ARHGAP39: variants seen among roughly 807,000 people sequenced by gnomAD.
The protein encoded by ARHGAP39 is rho GTPase-activating protein 39.
Under a neutral mutation model 106.9 loss-of-function variants are expected in ARHGAP39, and 44 were observed. The ratio of observed to expected loss-of-function variants is 0.41; its 90% CI spans 0.32 to 0.53. The LOEUF is 0.53. ARHGAP39 is among the 20% of genes least tolerant of loss of function. The pLI, the probability that ARHGAP39 is intolerant of heterozygous loss-of-function variation, is 0.21. For missense variants in ARHGAP39, 1,496 were observed against 1,577.3 expected (o/e 0.95, Z 0.87); for synonymous variants, 768 against 693.2 (o/e 1.11, Z -1.69).
intron 2 of ARHGAP39, among the ~76,000 whole-genome samples, chr8:144,582,835 C>T (rs1351006213): frequency 1.3e-5 from 2 of 152,304 alleles, no homozygotes; most frequent in Admixed American, 6.5e-5. Context: ...ATGAGAACTC[C>T]TGAGGCCCGC....
chr8:144,692,907 G>A, the ARHGAP39 span, among the ~76,000 whole-genome samples: 1 of 151,450 alleles, frequency 6.6e-6, no homozygotes, highest in Admixed American at 6.6e-5. Flanking sequence ...TTACAGGCAT[G>A]TGCCAGCATG....
intron 2 of ARHGAP39, among the ~76,000 whole-genome samples, chr8:144,582,101 T>TGCGACAGGCCTGGTCCTCG (rs1225150189): frequency 2.0e-5 from 3 of 151,478 alleles, no homozygotes; most frequent in African/African-American, 7.4e-5. Context: ...GGGTCTCGTT[T>TGCGACAGGCCTGGTCCTCG]CCAGGGAAAA....
chr8:144,574,081 G>A (rs893351677), intron 3 of ARHGAP39, among the ~76,000 whole-genome samples: 11 of 148,386 alleles, frequency 7.4e-5, no homozygotes, highest in East Asian at 2.0e-4. Flanking sequence ...GCTGATGCAC[G>A]AGAATTGCTT....
At chr8:144,605,380 A>G (rs1278812226) in intron 2 of ARHGAP39, among the ~76,000 whole-genome samples, 155 bp downstream of exon 2, 1 of 152,270 alleles carries the variant, frequency 6.6e-6, no homozygotes, top group African/African-American at 2.4e-5. Context: ...TGCACTGTGC[A>G]CAGGTGGCAT....
At position 144,645,208 on chromosome 8, in the gene ARHGAP39, G is replaced by C. The variant is rs969989678; in HGVS notation, c.-81-39513C>G. Among the ~76,000 whole-genome samples, 2 of 152,252 alleles carry C rather than the reference G, an allele frequency of 1.3e-5. No individual in the cohort carries two copies. Among genetic ancestry groups the C allele is most frequent in the Admixed American group, 1.3e-4 (2 of 15,292 alleles). The stretch of plus-strand genomic sequence containing the variant: ...GCAGATGCCAGTGCAACCATGTGGA[G>C]AAGAAGCTGGATGAAGTCACAGCCG... On this transcript the variant is annotated intron_variant, in intron 1 of 11. Coordinates refer to ENST00000377307, the MANE Select transcript of ARHGAP39 (RefSeq NM_025251.3). The surrounding 1 kb of genome is among the most constrained non-coding windows in gnomAD (Gnocchi z 4.4).
chr8:144,583,682 C>T (rs1440853959), intron 2 of ARHGAP39, among the ~76,000 whole-genome samples: 3 of 152,204 alleles, frequency 2.0e-5, no homozygotes, highest in Admixed American at 6.5e-5. Flanking sequence ...GAGAGTCACA[C>T]GATCAAGAAT....
In ARHGAP39 at chr8:144,530,626, G is replaced by A. The variant is rs1240026872; in HGVS notation, c.3151-10C>T. 3.1e-6 allele frequency: 5 copies of A among 1,587,610 alleles called. No individual in the cohort carries two copies. The highest frequency in any genetic ancestry group is 2.7e-5 in the African/African-American group (2 of 74,132). On this transcript the variant is annotated splice_polypyrimidine_tract_variant and intron_variant, in intron 11 of 11. Coordinates refer to ENST00000377307, the MANE Select transcript of ARHGAP39 (RefSeq NM_025251.3). ...CCGGCTGCACGAAGACCTGGTGGAG[G>A]AGCGAGGGTGGGCGCGGAGGGGCGG...
chr8:144,530,584 G>A lies in ARHGAP39; in HGVS notation c.3183C>T (p.Thr1061=), dbSNP rs1816641515. The A allele has an allele frequency of 1.2e-6, 2 of 1,611,370 alleles. No homozygotes were observed. Among genetic ancestry groups the A allele is most frequent in the African/African-American group, 2.7e-5 (2 of 74,784 alleles). Residue 1061 remains threonine (T), a synonymous_variant, in exon 12 of 12, where the codon ACC becomes ACT. Coordinates refer to ENST00000377307, the MANE Select transcript of ARHGAP39 (RefSeq NM_025251.3). ...TGGCCAGGTTGCTGACATCCATCTT[G>A]GTGACCGCGACGTTGGCCGGCTGCA... ...VFVQPANVAV[T]KMDVSNLAMV...
chr8:144,634,774 T>C, intron 1 of ARHGAP39, among the ~76,000 whole-genome samples: 1 of 42,864 alleles, frequency 2.3e-5, no homozygotes, highest in African/African-American at 1.1e-4. Flanking sequence ...TCCAGGCCTC[T>C]GCAGGCGCAG....
chr8:144,577,016 G>A (rs1352906723), intron 3 of ARHGAP39, among the ~76,000 whole-genome samples: 4 of 152,220 alleles, frequency 2.6e-5, no homozygotes, highest in East Asian at 1.9e-4. Context: ...ACCTTTCCAC[G>A]GAGCTCCACC....
In ARHGAP39 at chr8:144,530,123, CCAGGACA is replaced by C. The variant is rs1816614967; in HGVS notation, c.*292_*298del. 1.2e-5 allele frequency: 5 copies of C among 418,724 alleles called. No homozygotes were observed. Among genetic ancestry groups the C allele is most frequent in the Admixed American group, 4.1e-5 (1 of 24,592 alleles). The allele number at this position is 418,724 out of a possible 1,614,324, so 25.9% of individuals were successfully genotyped here. A position where few individuals can be genotyped will look rare whatever the true frequency, so the allele number is the denominator to read the frequency against. On this transcript the variant is annotated 3_prime_UTR_variant, in exon 12 of 12. Transcript: ENST00000377307. ...CCCAAGGAGGCAGCGTCGCTCGGCT[CCAGGACA>C]CAGAAGGCACTTTCTCGGAGCTGAC...
chr8:144,570,347 A>G (rs1248317579), intron 3 of ARHGAP39, among the ~76,000 whole-genome samples: 1 of 152,244 alleles, frequency 6.6e-6, no homozygotes, highest in Non-Finnish European at 1.5e-5. Context: ...CTGCCAAACA[A>G]AAGACGGGTG....
At chr8:144,575,067 T>A (rs919593399) in intron 3 of ARHGAP39, among the ~76,000 whole-genome samples, 1 of 152,206 alleles carries the variant, frequency 6.6e-6, no homozygotes, top group African/African-American at 2.4e-5. Flanking sequence ...ATGGTGAGTA[T>A]TTGTGTGCCT....
rs1819385519 is a variant in ARHGAP39 at position 144,591,320 on chromosome 8, G to T, written c.81-10043C>A. Among the ~76,000 whole-genome samples the T allele has an allele frequency of 6.6e-6, 1 of 152,228 alleles. No homozygotes were observed. The highest frequency in any genetic ancestry group is 1.9e-4 in the East Asian group (1 of 5,194). ...TGGGACATTGAAAAGGACAACGGCA[G>T]ATGCAGCAGCCTCAGGGCACCCAAG... On this transcript the variant is annotated intron_variant, in intron 2 of 11. Coordinates refer to ENST00000377307, the MANE Select transcript of ARHGAP39 (RefSeq NM_025251.3). This position sits in a 1 kb window ranked among gnomAD's most constrained non-coding sequence, Gnocchi z 5.3.
At chr8:144,553,730 GA>G (rs1817807641) in intron 4 of ARHGAP39, among the ~76,000 whole-genome samples, 1 of 152,272 alleles carries the variant, frequency 6.6e-6, no homozygotes, top group Non-Finnish European at 1.5e-5. Flanking sequence ...CCAGGTCACT[GA>G]AGGAGGCCAG....
At chr8:144,614,595 C>T (rs761566539) in intron 1 of ARHGAP39, among the ~76,000 whole-genome samples, 32 of 152,182 alleles carry the variant, frequency 2.1e-4, no homozygotes, top group Admixed American at 3.3e-4. Flanking sequence ...TCAGGTGATC[C>T]GCCCACCTTG....
chr8:144,651,364 C>A lies in ARHGAP39; in HGVS notation c.-82+34322G>T, dbSNP rs548466542. On this transcript the variant is annotated intron_variant, in intron 1 of 11. Coordinates refer to ENST00000377307, the MANE Select transcript of ARHGAP39 (RefSeq NM_025251.3). The stretch of plus-strand genomic sequence containing the variant: ...TTTACAAATTCAATGCTATTCCTAA[C>A]AAACTACCAACGACATTCTTCACAA... Among the ~76,000 whole-genome samples, 4 of 152,296 alleles carry A rather than the reference C, an allele frequency of 2.6e-5. No homozygotes were observed. In the East Asian group the frequency reaches 7.7e-4, roughly 29 times the overall value.
At chr8:144,652,972 G>A (rs1017637724) in intron 1 of ARHGAP39, among the ~76,000 whole-genome samples, 14 of 152,198 alleles carry the variant, frequency 9.2e-5, no homozygotes, top group Admixed American at 2.6e-4. Flanking sequence ...GGTTCTCAAC[G>A]TGATTTTAAT....
At chr8:144,593,508 C>T (rs192588254) in intron 2 of ARHGAP39, among the ~76,000 whole-genome samples, 4 of 152,262 alleles carry the variant, frequency 2.6e-5, no homozygotes, top group Admixed American at 6.5e-5. Context: ...TGCATGACCT[C>T]GGATTTGGCA....
Sources: allele counts gnomAD v4.1 joint callset (sites outside exome capture counted in the v4.1 genomes callset), GRCh38; gene constraint gnomAD v4.1.1; non-coding constraint Gnocchi (gnomAD v3.1); transcripts MANE v1.5; gene names NCBI Gene and HGNC (gene_info 2026-07-23, HGNC 2026-07-21).